Variants in AGBL4 observed in about 807,000 individuals in gnomAD.
AGBL4 encodes cytosolic carboxypeptidase 6.
AGBL4 carries 58 observed loss-of-function variants against 66.4 expected under a neutral mutation model. The observed-to-expected ratio is 0.87, with a 90% CI of 0.71 to 1.09. The LOEUF is 1.09. Ranked by LOEUF, AGBL4 falls within the 50% of genes least tolerant of loss-of-function variation. The probability of loss-of-function intolerance (pLI) is 0.00; values close to 1 mark genes in which losing one functional copy is unlikely to be tolerated. For missense variants in AGBL4, 579 were observed against 631.0 expected, an observed-to-expected ratio of 0.92 and a Z score of 0.88; for synonymous variants, 234 against 222.9, an observed-to-expected ratio of 1.05 and a Z score of -0.44.
chr1:49,768,372 T>A (rs902552174), intron 2 of AGBL4, among the ~76,000 whole-genome samples: 6 of 152,178 alleles, frequency 3.9e-5, no homozygotes, highest in Non-Finnish European at 7.4e-5. Flanking sequence ...TGGATCAACA[T>A]ATCCAAATCA....
intron 3 of AGBL4, among the ~76,000 whole-genome samples, chr1:49,497,562 C>T (rs1435500512): frequency 6.6e-6 from 1 of 151,934 alleles, no homozygotes; most frequent in Non-Finnish European, 1.5e-5. Flanking sequence ...TATTTTTGTA[C>T]ATGATGTGAG....
chr1:49,157,742 G>T (rs1219003202), intron 4 of AGBL4, among the ~76,000 whole-genome samples: 1 of 152,144 alleles, frequency 6.6e-6, no homozygotes, highest in East Asian at 1.9e-4. Context: ...TCCAACATCT[G>T]TTGTTTCCTG....
intron 2 of AGBL4, among the ~76,000 whole-genome samples, chr1:49,715,646 C>G (rs889714213): frequency 7.2e-5 from 11 of 152,070 alleles, no homozygotes; most frequent in African/African-American, 2.7e-4. Context: ...TTAATGATCA[C>G]CATTCTAACT....
chr1:48,540,936 A>T (rs572146834), intron 11 of AGBL4, among the ~76,000 whole-genome samples: 143 of 152,236 alleles, frequency 9.4e-4, no homozygotes, highest in African/African-American at 3.2e-3. Context: ...AGCTCTGAAT[A>T]TGTCACTCAG....
At chr1:49,069,676 G>A (rs1644561441) in intron 4 of AGBL4, among the ~76,000 whole-genome samples, 1 of 151,878 alleles carries the variant, frequency 6.6e-6, no homozygotes, top group Non-Finnish European at 1.5e-5. Context: ...GACACCTCCA[G>A]CTGTGTTCTT....
At chr1:49,386,698 A>G (rs907332868) in intron 3 of AGBL4, among the ~76,000 whole-genome samples, 3 of 152,012 alleles carry the variant, frequency 2.0e-5, no homozygotes, top group Non-Finnish European at 4.4e-5. Flanking sequence ...CTTCAAAATG[A>G]AGTATTTATC....
At chr1:49,731,039 C>T (rs1048158348) in intron 2 of AGBL4, among the ~76,000 whole-genome samples, 5 of 152,142 alleles carry the variant, frequency 3.3e-5, no homozygotes, top group Admixed American at 2.0e-4. Flanking sequence ...TCTCCAGCTT[C>T]TGGTTGGGTT....
At chr1:48,969,902 C>G (rs971289538) in intron 5 of AGBL4, among the ~76,000 whole-genome samples, 21 of 152,294 alleles carry the variant, frequency 1.4e-4, no homozygotes, top group South Asian at 8.3e-4. Flanking sequence ...CAACAGCTAA[C>G]ATTCATCAAA....
intron 6 of AGBL4, among the ~76,000 whole-genome samples, chr1:48,715,257 C>T (rs1415489362): frequency 6.6e-6 from 1 of 152,208 alleles, no homozygotes; most frequent in Admixed American, 6.5e-5. Flanking sequence ...ACCTGAGAAT[C>T]AGCACAGCAG....
intron 4 of AGBL4, among the ~76,000 whole-genome samples, chr1:49,153,913 C>A (rs1031834819): frequency 7.9e-5 from 12 of 151,992 alleles, no homozygotes; most frequent in African/African-American, 2.9e-4. Flanking sequence ...ACCCCAGATT[C>A]ATAAATGATA....
At chr1:48,938,015 C>T (rs752521160) in intron 5 of AGBL4, among the ~76,000 whole-genome samples, 5 of 152,182 alleles carry the variant, frequency 3.3e-5, no homozygotes, top group African/African-American at 1.2e-4. Flanking sequence ...TCAATTTCCT[C>T]ATTCCTAATA....
At chr1:49,121,318 C>T (rs902209742) in intron 4 of AGBL4, among the ~76,000 whole-genome samples, 2 of 152,176 alleles carry the variant, frequency 1.3e-5, no homozygotes, top group African/African-American at 4.8e-5. Flanking sequence ...AGCTTTTCTG[C>T]CTTGGTTTCT....
At chr1:48,654,635 T>C (rs562418776) in intron 7 of AGBL4, among the ~76,000 whole-genome samples, 2 of 152,226 alleles carry the variant, frequency 1.3e-5, no homozygotes, top group East Asian at 3.9e-4. Context: ...AAAGGTAGGT[T>C]TGATAGATGG....
intron 2 of AGBL4, among the ~76,000 whole-genome samples, chr1:49,832,603 A>G (rs1645722096): frequency 6.6e-6 from 1 of 151,888 alleles, no homozygotes. Flanking sequence ...ACTAGTTTAC[A>G]GTCCCACCAA....
intron 3 of AGBL4, among the ~76,000 whole-genome samples, chr1:49,251,238 C>A (rs1652034723): frequency 6.6e-6 from 1 of 152,166 alleles, no homozygotes; most frequent in Non-Finnish European, 1.5e-5. Context: ...GCTGCCCACA[C>A]CTTCCCCATA....
intron 1 of AGBL4, among the ~76,000 whole-genome samples, chr1:49,864,760 T>C (rs1299416802): frequency 6.6e-6 from 1 of 152,138 alleles, no homozygotes; most frequent in Non-Finnish European, 1.5e-5. Context: ...GGAGACTGCC[T>C]AAAATTATCA....
chr1:49,323,603 T>C (rs1238536971), intron 3 of AGBL4, among the ~76,000 whole-genome samples: 1 of 151,922 alleles, frequency 6.6e-6, no homozygotes, highest in East Asian at 1.9e-4. Flanking sequence ...TCTTCATGAC[T>C]TTTCTCCTGC....
At chr1:48,702,278 G>GT (rs569206365) in intron 6 of AGBL4, among the ~76,000 whole-genome samples, 1,805 of 150,246 alleles carry the variant, frequency 0.012, 37 homozygotes, top group African/African-American at 0.04. Flanking sequence ...CTTCTTCTTT[G>GT]TTTTTTTTTG....
intron 6 of AGBL4, among the ~76,000 whole-genome samples, chr1:48,753,888 C>T (rs11578117): frequency 0.077 from 11,737 of 152,252 alleles, 652 homozygotes; most frequent in East Asian, 0.3. Context: ...TATTCCCTGA[C>T]AAAGCACACA....
Sources: allele counts gnomAD v4.1 joint callset (sites outside exome capture counted in the v4.1 genomes callset), GRCh38; gene constraint gnomAD v4.1.1; transcripts MANE v1.5; gene names NCBI Gene and HGNC (gene_info 2026-07-23, HGNC 2026-07-21).